ZNF804A: variants seen among roughly 807,000 people sequenced by gnomAD.
ZNF804A encodes the protein zinc finger protein 804A.
A neutral mutation model predicts 16.5 loss-of-function variants in ZNF804A; 2 were observed. The ratio of observed to expected loss-of-function variants is 0.12; its 90% CI spans 0.05 to 0.38. ZNF804A has a LOEUF of 0.38. Among genes scored for constraint, ZNF804A ranks in the 10% least tolerant of loss-of-function variants. ZNF804A has a pLI of 0.99. For missense variants in ZNF804A, 1,473 were observed against 1,390.7 expected (o/e 1.06, Z -0.94); for synonymous variants, 534 against 489.6 (o/e 1.09, Z -1.20).
intron 1 of ZNF804A, among the ~76,000 whole-genome samples, chr2:184,680,844 A>G (rs1692528108): frequency 6.6e-6 from 1 of 152,220 alleles, no homozygotes; most frequent in African/African-American, 2.4e-5. Flanking sequence ...GCTTAGACCT[A>G]GGAGCTCCCC....
intron 1 of ZNF804A, among the ~76,000 whole-genome samples, chr2:184,611,812 C>A (rs1691243909): frequency 1.3e-5 from 2 of 152,222 alleles, no homozygotes; most frequent in South Asian, 4.1e-4. Context: ...TATAAGAAGG[C>A]AACATAGGGG....
chr2:184,825,333 A>G (rs72905716), intron 1 of ZNF804A, among the ~76,000 whole-genome samples: 7,702 of 152,310 alleles, frequency 0.051, 255 homozygotes, highest in Middle Eastern at 0.078. Flanking sequence ...ATAAGTTTAT[A>G]TATCAGAATT....
intron 1 of ZNF804A, among the ~76,000 whole-genome samples, chr2:184,669,089 T>C (rs1692300737): frequency 1.3e-5 from 2 of 152,014 alleles, no homozygotes; most frequent in South Asian, 4.1e-4. Context: ...GTAACAACTC[T>C]GCTACCCTTC....
At chr2:184,853,999 T>C (rs570929310) in intron 1 of ZNF804A, among the ~76,000 whole-genome samples, 1 of 151,948 alleles carries the variant, frequency 6.6e-6, no homozygotes, top group East Asian at 1.9e-4. Context: ...GGTATTAGCC[T>C]TAAATGTTTG....
chr2:184,892,450 G>C (rs546294712), intron 2 of ZNF804A, among the ~76,000 whole-genome samples: 1 of 147,410 alleles, frequency 6.8e-6, no homozygotes, highest in African/African-American at 2.5e-5. Flanking sequence ...AGCATTTTTC[G>C]CTTCCACCTT....
chr2:184,863,091 T>C (rs1242726374), intron 1 of ZNF804A, among the ~76,000 whole-genome samples: 1 of 152,124 alleles, frequency 6.6e-6, no homozygotes, highest in Non-Finnish European at 1.5e-5. Flanking sequence ...TAAATCAAGA[T>C]TGATCCTGAG....
Position 184,918,980 on chromosome 2 carries a change from A to T in ZNF804A, c.256-14623A>T, listed in dbSNP as rs147731319. On this transcript the variant is annotated intron_variant, in intron 2 of 3. Coordinates refer to ENST00000302277, the MANE Select transcript of ZNF804A (RefSeq NM_194250.2). ...TATGTAATTAAACTTTCAAAAGGCC[A>T]TTCTACCATTCTATCAAACCAGTTT... 1.6e-3 allele frequency among the ~76,000 whole-genome samples: 239 copies of T among 152,318 alleles called. 8 individuals are homozygous for T. The East Asian group carries it at 0.034, about 21-fold the overall frequency.
chr2:184,607,936 CTTTTTTTTT>C (rs34262998), intron 1 of ZNF804A, among the ~76,000 whole-genome samples: 21 of 65,654 alleles, frequency 3.2e-4, no homozygotes, highest in Admixed American at 8.3e-4. Flanking sequence ...TGATGCATCT[CTTTTTTTTT>C]TTTTTTTTTT....
intron 1 of ZNF804A, among the ~76,000 whole-genome samples, chr2:184,745,148 A>T (rs916092635): frequency 6.6e-6 from 1 of 151,854 alleles, no homozygotes; most frequent in Non-Finnish European, 1.5e-5. Flanking sequence ...TTTTACATGT[A>T]TAGCACAAAA....
chr2:184,913,131 C>T lies in ZNF804A; in HGVS notation c.256-20472C>T, dbSNP rs151294878. Among the ~76,000 whole-genome samples, 935 of 152,072 alleles carry T rather than the reference C, an allele frequency of 6.1e-3. 6 individuals carry two copies. The highest frequency in any genetic ancestry group is 8.4e-3 in the Non-Finnish European group (569 of 67,938). ...AATGGTGTGAGGTAGATGTTCAATA[C>T]CATTCTTTTGCAAACTTAGCTTAAC... On this transcript the variant is annotated intron_variant, in intron 2 of 3. Coordinates refer to ENST00000302277, the MANE Select transcript of ZNF804A (RefSeq NM_194250.2).
chr2:184,687,700 A>G (rs1277358071), intron 1 of ZNF804A, among the ~76,000 whole-genome samples: 1 of 152,218 alleles, frequency 6.6e-6, no homozygotes, highest in Non-Finnish European at 1.5e-5. Context: ...ATAGAAGTCA[A>G]TTGTAGTTCT....
chr2:184,671,429 A>G (rs1692337709), intron 1 of ZNF804A, among the ~76,000 whole-genome samples: 1 of 152,182 alleles, frequency 6.6e-6, no homozygotes, highest in African/African-American at 2.4e-5. Context: ...GAGTAGTTAC[A>G]AGAGACTGGG....
At chr2:184,626,366 C>T (rs1255125225) in intron 1 of ZNF804A, among the ~76,000 whole-genome samples, 6 of 151,868 alleles carry the variant, frequency 4.0e-5, no homozygotes, top group Non-Finnish European at 7.4e-5. Flanking sequence ...AAAGACTGCA[C>T]GAAAATTATT....
intron 1 of ZNF804A, among the ~76,000 whole-genome samples, chr2:184,716,184 T>C (rs939355657): frequency 6.6e-6 from 1 of 152,148 alleles, no homozygotes; most frequent in African/African-American, 2.4e-5. Flanking sequence ...TCCAGAATCA[T>C]AAAATTTGAG....
At chr2:184,806,459 C>G (rs1034863404) in intron 1 of ZNF804A, among the ~76,000 whole-genome samples, 1 of 151,712 alleles carries the variant, frequency 6.6e-6, no homozygotes, top group Non-Finnish European at 1.5e-5. Flanking sequence ...TATTTCTCTT[C>G]GGAATACAAT....
At chr2:184,849,445 A>G (rs1325718672) in intron 1 of ZNF804A, among the ~76,000 whole-genome samples, 4 of 152,018 alleles carry the variant, frequency 2.6e-5, no homozygotes, top group East Asian at 1.9e-4. Flanking sequence ...CTAATAATGC[A>G]GAAGAATGGA....
At chr2:184,858,892 A>G (rs759534154) in intron 1 of ZNF804A, among the ~76,000 whole-genome samples, 1 of 152,150 alleles carries the variant, frequency 6.6e-6, no homozygotes, top group Non-Finnish European at 1.5e-5. Context: ...GGAAAGTCTA[A>G]CATTCCTTCA....
intron 1 of ZNF804A, among the ~76,000 whole-genome samples, chr2:184,699,897 T>C: frequency 6.6e-6 from 1 of 152,054 alleles, no homozygotes; most frequent in East Asian, 1.9e-4. Flanking sequence ...ATGCAGTTAC[T>C]AAGTAGTGGA....
At position 184,651,563 on chromosome 2, in the gene ZNF804A, G is replaced by A. The variant is rs370460135; in HGVS notation, c.111+52493G>A. 4.6e-5 allele frequency among the ~76,000 whole-genome samples: 7 copies of A among 151,970 alleles called. No individual in the cohort carries two copies. The East Asian group carries it at 9.7e-4, about 21-fold the overall frequency. ...ACATCTGACAAACATATCTATATCT[G>A]GAATCTATAAGGAAACTAAACATTT... On this transcript the variant is annotated intron_variant, in intron 1 of 3. Transcript: ENST00000302277.
Sources: allele counts gnomAD v4.1 joint callset (sites outside exome capture counted in the v4.1 genomes callset), GRCh38; gene constraint gnomAD v4.1.1; transcripts MANE v1.5; gene names NCBI Gene and HGNC (gene_info 2026-07-23, HGNC 2026-07-21).